THSD7B: variants seen among roughly 807,000 people sequenced by gnomAD.
The protein encoded by THSD7B is thrombospondin type-1 domain-containing protein 7B.
In THSD7B, 138 loss-of-function variants were observed where a neutral mutation model predicts 213.6. The ratio of observed to expected loss-of-function variants is 0.65; its 90% CI spans 0.56 to 0.74. THSD7B has a LOEUF of 0.74. Ranked by LOEUF, THSD7B falls within the 30% of genes least tolerant of loss-of-function variation. THSD7B has a pLI of 0.00. For missense variants in THSD7B, 1,931 were observed against 1,991.5 expected (o/e 0.97, Z 0.58); for synonymous variants, 742 against 687.0 (o/e 1.08, Z -1.25).
At chr2:136,996,306 C>CT (rs1558880953) in intron 2 of THSD7B, among the ~76,000 whole-genome samples, 2 of 151,306 alleles carry the variant, frequency 1.3e-5, no homozygotes, top group Non-Finnish European at 3.0e-5. Context: ...TCTCTCTGTC[C>CT]CTGTCTCTTT....
In THSD7B at chr2:137,042,281, T is replaced by C. The variant is rs16837933; in HGVS notation, c.140-14139T>C. Among the ~76,000 whole-genome samples, 1,676 of 152,302 alleles carry C rather than the reference T, an allele frequency of 0.011. 66 individuals carry two copies. In the East Asian group the frequency reaches 0.14, roughly 13 times the overall value. On this transcript the variant is annotated intron_variant, in intron 2 of 27. Coordinates refer to ENST00000409968, the MANE Select transcript of THSD7B (RefSeq NM_001316349.2). ...AACTTATGAGATATGAATCCTAAAA[T>C]TGAAATTATAAAAATGTTTCCATGT...
chr2:137,266,318 T>C (rs1309090258), intron 10 of THSD7B, among the ~76,000 whole-genome samples: 1 of 152,188 alleles, frequency 6.6e-6, no homozygotes, highest in Non-Finnish European at 1.5e-5. Context: ...TAACCTAAAG[T>C]CTAACAGGTG....
chr2:136,953,696 T>A (rs531404041), intron 2 of THSD7B, among the ~76,000 whole-genome samples: 1 of 152,280 alleles, frequency 6.6e-6, no homozygotes, highest in African/African-American at 2.4e-5. Context: ...CATAAAATAA[T>A]CTTATCAATC....
intron 14 of THSD7B, among the ~76,000 whole-genome samples, chr2:137,412,952 G>T (rs993334070): frequency 1.3e-5 from 2 of 151,062 alleles, no homozygotes; most frequent in African/African-American, 4.9e-5. Flanking sequence ...CAAATGGGTA[G>T]ATTTTGGTCT....
intron 12 of THSD7B, among the ~76,000 whole-genome samples, chr2:137,297,882 T>G: frequency 6.6e-6 from 1 of 152,138 alleles, no homozygotes; most frequent in Admixed American, 6.5e-5. Flanking sequence ...TTAAACCTCT[T>G]TCTTTTGTAA....
In THSD7B at chr2:137,076,199, G is replaced by T. The variant is rs188431565; in HGVS notation, c.951-18674G>T. 5.3e-4 allele frequency among the ~76,000 whole-genome samples: 80 copies of T among 152,342 alleles called. 2 individuals are homozygous for T. Among genetic ancestry groups the T allele is most frequent in the Non-Finnish European group, 8.7e-4 (59 of 68,036 alleles). ...TGCCTCCAGAGGTGGAGCCTACAGA[G>T]GCAGGCAGGCCTCCTTGAGCTGTGG... On this transcript the variant is annotated intron_variant, in intron 3 of 27. Coordinates refer to ENST00000409968, the MANE Select transcript of THSD7B (RefSeq NM_001316349.2).
At chr2:137,255,324 A>G (rs535571704) in intron 10 of THSD7B, among the ~76,000 whole-genome samples, 47 of 152,270 alleles carry the variant, frequency 3.1e-4, no homozygotes, top group Non-Finnish European at 6.3e-4. Flanking sequence ...GAATATGTGC[A>G]TTTTCTGAGC....
At chr2:137,389,193 CATATATATATAT>C (rs59969102) in intron 12 of THSD7B, among the ~76,000 whole-genome samples, 1 of 127,300 alleles carries the variant, frequency 7.9e-6, no homozygotes, top group African/African-American at 3.1e-5. Flanking sequence ...ATATATCTGT[CATATATATATAT>C]ATATATATAT....
intron 16 of THSD7B, 44 bp downstream of exon 16, chr2:137,563,398 C>T (rs749957499): frequency 2.5e-4 from 400 of 1,603,312 alleles, no homozygotes; most frequent in Non-Finnish European, 3.2e-4. Flanking sequence ...GGAAGTGGAA[C>T]TTATACATTT....
intron 1 of THSD7B, among the ~76,000 whole-genome samples, chr2:136,832,575 C>G (rs111806932): frequency 2.0e-5 from 3 of 152,176 alleles, no homozygotes; most frequent in Non-Finnish European, 4.4e-5. Flanking sequence ...CATGTCTACA[C>G]TGGGCACCCA....
At chr2:136,941,645 A>T (rs1200416897) in intron 2 of THSD7B, among the ~76,000 whole-genome samples, 1 of 152,174 alleles carries the variant, frequency 6.6e-6, no homozygotes, top group Admixed American at 6.5e-5. Flanking sequence ...TTGGCTGCAT[A>T]AATGTTTTCT....
chr2:137,243,288 A>G (rs184406542), intron 10 of THSD7B, among the ~76,000 whole-genome samples: 1 of 152,330 alleles, frequency 6.6e-6, no homozygotes, highest in East Asian at 1.9e-4. Flanking sequence ...ATTTTGGCCT[A>G]AGATCTAGAG....
In THSD7B at chr2:137,651,870, C is replaced by T. The variant is rs1029567733; in HGVS notation, c.3946-3631C>T. On this transcript the variant is annotated intron_variant, in intron 21 of 27. Coordinates refer to ENST00000409968, the MANE Select transcript of THSD7B (RefSeq NM_001316349.2). Reference sequence around the variant, plus strand: ...TGTATTTGTGTAGTTTTTAAGGTTCCTCTTGTTATTTATTTCTAACAGCAT... The same window carrying T: ...TGTATTTGTGTAGTTTTTAAGGTTCTTCTTGTTATTTATTTCTAACAGCAT... Among the ~76,000 whole-genome samples the T allele has an allele frequency of 2.0e-5, 3 of 151,576 alleles. No individual in the cohort carries two copies. The East Asian group carries it at 5.8e-4, about 29-fold the overall frequency.
chr2:136,996,280 A>G (rs1268857525), intron 2 of THSD7B, among the ~76,000 whole-genome samples: 1 of 148,280 alleles, frequency 6.7e-6, no homozygotes, highest in Non-Finnish European at 1.5e-5. Flanking sequence ...ACCAAAAAAT[A>G]AGTCAGACTG....
At chr2:136,946,524 GACAGTGA>G (rs1372888160) in intron 2 of THSD7B, among the ~76,000 whole-genome samples, 1 of 145,250 alleles carries the variant, frequency 6.9e-6, no homozygotes, top group Non-Finnish European at 1.5e-5. Context: ...AGAGCTGTCA[GACAGTGA>G]TGTTTAAGTC....
chr2:137,339,633 C>T lies in THSD7B; in HGVS notation c.2500+63607C>T, dbSNP rs184534529. Among the ~76,000 whole-genome samples, 109 of 151,656 alleles carry T rather than the reference C, an allele frequency of 7.2e-4. 1 individual carries two copies. The highest frequency in any genetic ancestry group is 2.4e-3 in the African/African-American group (100 of 41,484). ...ACAGCAATAAAGAAAAGTGCTTTGA[C>T]GTAAGTGGTCATCATCATGTGACTC... On this transcript the variant is annotated intron_variant, in intron 12 of 27. Coordinates refer to ENST00000409968, the MANE Select transcript of THSD7B (RefSeq NM_001316349.2).
rs187560265 is a variant in THSD7B at position 136,852,582 on chromosome 2, C to T, written c.-35-29562C>T. Among the ~76,000 whole-genome samples, 205 of 152,240 alleles carry T rather than the reference C, an allele frequency of 1.3e-3. 2 individuals are homozygous for T. The highest frequency in any genetic ancestry group is 4.8e-3 in the African/African-American group (200 of 41,552). On this transcript the variant is annotated intron_variant, in intron 1 of 27. Transcript: ENST00000409968. ...GTTAGATGATGAGTATTGTTTTAAG[C>T]TGCTAAGTTTGTGATTATTTGTTAT...
intron 15 of THSD7B, among the ~76,000 whole-genome samples, chr2:137,556,341 C>G (rs1026656810): frequency 2.0e-5 from 3 of 152,030 alleles, no homozygotes; most frequent in Admixed American, 2.0e-4. Flanking sequence ...AACAGCTGAT[C>G]TCTCAGCAGA....
chr2:137,605,594 T>C (rs539147392), intron 17 of THSD7B, among the ~76,000 whole-genome samples: 1 of 149,048 alleles, frequency 6.7e-6, no homozygotes, highest in Non-Finnish European at 1.5e-5. Flanking sequence ...AGAGCCATAG[T>C]GTTAAAAGTA....
Sources: gnomAD v4.1 joint callset for allele counts (sites outside exome capture counted in the v4.1 genomes callset) on GRCh38, gnomAD v4.1.1 for gene constraint, MANE v1.5 for transcripts, NCBI Gene and HGNC (gene_info 2026-07-23, HGNC 2026-07-21) for gene names.